Variants in MFN1 observed in about 807,000 individuals in gnomAD.
MFN1 encodes the protein mitofusin 1, also known as mitofusin-1.
In MFN1, 65 loss-of-function variants were observed where a neutral mutation model predicts 92.4. The ratio of observed to expected loss-of-function variants is 0.70; its 90% confidence interval spans 0.58 to 0.86. MFN1 has a LOEUF of 0.86. Ranked by LOEUF, MFN1 falls within the 40% of genes least tolerant of loss-of-function variation. The probability of loss-of-function intolerance (pLI) is 0.00; values close to 1 mark genes in which losing one functional copy is unlikely to be tolerated. For missense variants in MFN1, 781 were observed against 868.0 expected (o/e 0.90, Z 1.26); for synonymous variants, 297 against 300.9 (o/e 0.99, Z 0.13).
At chr3:179,366,968 C>T (rs920604992) in intron 7 of MFN1, among the ~76,000 whole-genome samples, 4 of 152,204 alleles carry the variant, frequency 2.6e-5, no homozygotes, top group African/African-American at 9.6e-5. Flanking sequence ...TGCTCTGTCA[C>T]CCAGGCTGGA....
chr3:179,361,598 G>C (rs1196303965), intron 4 of MFN1, among the ~76,000 whole-genome samples: 1 of 150,850 alleles, frequency 6.6e-6, no homozygotes, highest in Non-Finnish European at 1.5e-5. Context: ...GTGCAGTGGC[G>C]TGATCTTGGC....
rs1157255277 is a variant in MFN1 at position 179,358,722 on chromosome 3, G to T, written c.249-118G>T. 3.2e-6 allele frequency: 3 copies of T among 950,012 alleles called. No individual in the cohort carries two copies. In the East Asian group the frequency reaches 7.8e-5, roughly 25 times the overall value. The allele number at this position is 950,012 out of a possible 1,614,324, so 58.8% of individuals were successfully genotyped here. ...AAGTGGTTAATCTTTTCATAAAAAT[G>T]CAGTCTTAAGAAATCTTAACAAAAT... On this transcript the variant is annotated intron_variant, in intron 3 of 17. Transcript: ENST00000471841.
chr3:179,377,139 A>C lies in MFN1; in HGVS notation c.1195A>C (p.Lys399Gln), dbSNP rs754808367. The change falls in exon 11 of 18, where the codon AAG (lysine) becomes CAG (glutamine). Residue 399 changes from lysine to glutamine, a missense_variant. By Grantham distance (53) the Lys-to-Gln change is moderately conservative. Transcript: ENST00000471841. ...AACACTGGATGTTAAGAAAAAAATC[A>C]AGGAGGTTACCGAGGAGGTGGCAAA... is the stretch of plus-strand genomic sequence containing the variant. ...LLTLDVKKKI[K>Q]EVTEEVANKV... 1.9e-6 allele frequency: 3 copies of C among 1,613,784 alleles called. No individual in the cohort carries two copies. The highest frequency in any genetic ancestry group is 1.7e-6 in the Non-Finnish European group (2 of 1,179,854).
At chr3:179,380,850 C>T (rs1713437828) in intron 14 of MFN1, among the ~76,000 whole-genome samples, 1 of 152,170 alleles carries the variant, frequency 6.6e-6, no homozygotes, top group Non-Finnish European at 1.5e-5. Flanking sequence ...AAGACAGTGA[C>T]TCAGTTGTGT....
At chr3:179,373,207 C>G (rs1197488418) in intron 9 of MFN1, among the ~76,000 whole-genome samples, 1 of 152,152 alleles carries the variant, frequency 6.6e-6, no homozygotes, top group Non-Finnish European at 1.5e-5. Context: ...TTCTCTACCT[C>G]AAACGAAATG....
At chr3:179,389,106 A>G (rs1713803287) in intron 16 of MFN1, among the ~76,000 whole-genome samples, 1 of 152,228 alleles carries the variant, frequency 6.6e-6, no homozygotes, top group African/African-American at 2.4e-5. Flanking sequence ...ATTGTAGAGA[A>G]TGGTTACCAG....
At position 179,390,190 on chromosome 3, in the gene MFN1, A is replaced by G. The variant is rs772866742; in HGVS notation, c.2147+52A>G. 4.4e-6 allele frequency: 6 copies of G among 1,351,318 alleles called. No individual in the cohort carries two copies. In the Admixed American group the frequency reaches 1.3e-4, roughly 29 times the overall value. 83.7% of individuals were successfully genotyped at this position (1,351,318 alleles called of 1,614,324 possible). ...TTGAACATTTACTGGTCTCATTACAAAATATGTAAAATTATTAATGAATTT... is the reference window on the plus strand; with the variant it reads ...TTGAACATTTACTGGTCTCATTACAGAATATGTAAAATTATTAATGAATTT... On this transcript the variant is annotated intron_variant, in intron 17 of 17. Transcript: ENST00000471841.
At position 179,378,675 on chromosome 3, in the gene MFN1, A is replaced by G; in HGVS notation, c.1523A>G (p.Asn508Ser). The G allele has an allele frequency of 6.2e-7, 1 of 1,613,946 alleles. No individual in the cohort carries two copies. The highest frequency in any genetic ancestry group is 8.5e-7 in the Non-Finnish European group (1 of 1,179,870). Reference protein sequence around the residue: ...CKKFDLSYNLNYHKLCSDFQE... With the variant: ...CKKFDLSYNLSYHKLCSDFQE... The stretch of plus-strand genomic sequence containing the variant: ...AAATTTGATCTCAGTTATAATCTAA[A>G]TTACCACAAGTTATGTTCAGATTTT... The change falls in exon 14 of 18, where the codon AAT (asparagine) becomes AGT (serine). Residue 508 changes from asparagine to serine, a missense_variant. Asn to Ser is a conservative substitution (Grantham distance 46). Transcript: ENST00000471841.
At chr3:179,358,153 T>TC (rs1553845766) in intron 3 of MFN1, among the ~76,000 whole-genome samples, 1 of 144,692 alleles carries the variant, frequency 6.9e-6, no homozygotes, top group South Asian at 2.2e-4. Flanking sequence ...TCATTTTGTT[T>TC]TTTTTTTTTT....
intron 14 of MFN1, among the ~76,000 whole-genome samples, chr3:179,385,276 TTTG>T (rs1713634963): frequency 6.6e-6 from 1 of 151,766 alleles, no homozygotes; most frequent in Admixed American, 6.6e-5. Context: ...GGATTGTGCT[TTTG>T]TTGTTAGTTT....
chr3:179,367,560 G>A lies in MFN1; in HGVS notation c.875G>A (p.Arg292Lys), dbSNP rs1350197957. The A allele has an allele frequency of 6.2e-7, 1 of 1,612,416 alleles. No homozygotes were observed. Among genetic ancestry groups the A allele is most frequent in the Non-Finnish European group, 8.5e-7 (1 of 1,179,436 alleles). The stretch of plus-strand genomic sequence containing the variant: ...TCAGCAAAGGAAGTTCTTAGTGCTA[G>A]AAAGCAAAAAGCACAGGGGATGCCA... ...FVSAKEVLSA[R>K]KQKAQGMPES... Residue 292 changes from arginine to lysine, a missense_variant, in exon 8 of 18, where the codon AGA becomes AAA. Physicochemically the swap from Arg to Lys is conservative, Grantham distance 26. Coordinates refer to ENST00000471841, the MANE Select transcript of MFN1 (RefSeq NM_033540.3).
At position 179,378,785 on chromosome 3, in the gene MFN1, C is replaced by T; in HGVS notation, c.1633C>T (p.Leu545Phe). 6.2e-7 allele frequency: 1 copy of T among 1,613,400 alleles called. No individual in the cohort carries two copies. The highest frequency in any genetic ancestry group is 8.5e-7 in the Non-Finnish European group (1 of 1,179,486). Residue 545 changes from leucine (L) to phenylalanine (F), a missense_variant, in exon 14 of 18, where the codon CTC (leucine) becomes TTC (phenylalanine). Transcript: ENST00000471841. The stretch of plus-strand genomic sequence containing the variant: ...GGGCCCTAGAAATGCTCAAAGGGTG[C>T]TCCTAGGATTATCAGAGCCTATCTT... The part of the protein sequence containing the change: ...FLGPRNAQRV[L>F]LGLSEPIFQL...
intron 8 of MFN1, 141 bp downstream of exon 8, chr3:179,367,733 G>T: frequency 3.3e-6 from 2 of 609,076 alleles, no homozygotes; most frequent in Non-Finnish European, 5.1e-6. Flanking sequence ...GACCAGCCTG[G>T]CCAACATGGT....
rs777770805 is a variant in MFN1, at chr3:179,375,210, C to T, written c.976-10C>T. The T allele has an allele frequency of 3.8e-6, 6 of 1,595,800 alleles. No homozygotes were observed. In the African/African-American group the frequency reaches 5.4e-5, roughly 14 times the overall value. On this transcript the variant is annotated splice_polypyrimidine_tract_variant and intron_variant, in intron 9 of 17. Transcript: ENST00000471841. The stretch of plus-strand genomic sequence containing the variant: ...TTACAGTAATGTGTTACGGCTTGGG[C>T]CCCTCGCAGGAGTGTATCTCGCAGT...
intron 2 of MFN1, 149 bp downstream of exon 2, chr3:179,349,112 C>A: frequency 2.0e-6 from 1 of 511,542 alleles, no homozygotes; most frequent in Non-Finnish European, 3.2e-6. Flanking sequence ...TTTCTAACCT[C>A]CAGAAGGGGA....
chr3:179,383,026 C>A (rs1030238446), intron 14 of MFN1, among the ~76,000 whole-genome samples: 2 of 152,114 alleles, frequency 1.3e-5, no homozygotes, highest in African/African-American at 2.4e-5. Flanking sequence ...GTTGCCTGTT[C>A]ACTCTGATGG....
At chr3:179,382,658 C>G (rs552002004) in intron 14 of MFN1, among the ~76,000 whole-genome samples, 1 of 152,328 alleles carries the variant, frequency 6.6e-6, no homozygotes, top group African/African-American at 2.4e-5. Context: ...CTGTCTTCCA[C>G]AATGGTTGAA....
chr3:179,348,979 G>C lies in MFN1; in HGVS notation c.112+16G>C. 1 of 1,564,906 alleles carries C rather than the reference G, an allele frequency of 6.4e-7. No homozygotes were observed. The highest frequency in any genetic ancestry group is 8.7e-7 in the Non-Finnish European group (1 of 1,147,696). On this transcript the variant is annotated intron_variant, in intron 2 of 17. Transcript: ENST00000471841. ...TTTGTTGAAGGTTAGTTCTTCTTAA[G>C]TTTTTAAAGTAATTACTGTTGAAAA...
At position 179,367,538 on chromosome 3, in the gene MFN1, G is replaced by C; in HGVS notation, c.853G>C (p.Ala285Pro). The part of the protein sequence containing the change: ...EAQNRIFFVS[A>P]KEVLSARKQK... ...ACAGAATCGTATCTTCTTTGTTTCA[G>C]CAAAGGAAGTTCTTAGTGCTAGAAA... Residue 285 changes from alanine to proline, a missense_variant, in exon 8 of 18, where the codon GCA becomes CCA. Transcript: ENST00000471841. 1 of 1,613,610 alleles carries C rather than the reference G, an allele frequency of 6.2e-7. No homozygotes were observed. The highest frequency in any genetic ancestry group is 8.5e-7 in the Non-Finnish European group (1 of 1,179,796).
Sources: allele counts gnomAD v4.1 joint callset (sites outside exome capture counted in the v4.1 genomes callset), GRCh38; gene constraint gnomAD v4.1.1; transcripts MANE v1.5; gene names NCBI Gene and HGNC (gene_info 2026-07-23, HGNC 2026-07-21).